Variants in DAB1 observed in about 807,000 individuals in gnomAD.
DAB1 encodes the protein DAB adaptor protein 1.
DAB1 carries 15 observed loss-of-function variants against 64.6 expected under a neutral mutation model. The observed-to-expected ratio is 0.23, with a 90% CI of 0.16 to 0.36. The LOEUF is 0.36. Among genes scored for constraint, DAB1 ranks in the 10% least tolerant of loss-of-function variants. The probability of loss-of-function intolerance (pLI) is 1.00; values close to 1 mark genes in which losing one functional copy is unlikely to be tolerated. For missense variants in DAB1, 596 were observed against 706.7 expected (o/e 0.84, Z 1.78); for synonymous variants, 235 against 251.9 (o/e 0.93, Z 0.64).
chr1:57,891,764 AT>A (rs1175983236), intron 5 of DAB1, among the ~76,000 whole-genome samples: 2 of 151,694 alleles, frequency 1.3e-5, no homozygotes, highest in Admixed American at 1.3e-4. Flanking sequence ...CAAACATCTC[AT>A]GTTCTCACTC....
At chr1:57,860,703 C>T (rs1653976178) in intron 1 of DAB1, 1 of 152,184 alleles carries the variant, frequency 6.6e-6, no homozygotes, top group Admixed American at 6.5e-5. Flanking sequence ...GGGCCAACAG[C>T]TTTGCAATAA....
At chr1:57,418,545 C>T (rs1684664752) in intron 1 of DAB1, among the ~76,000 whole-genome samples, 1 of 152,190 alleles carries the variant, frequency 6.6e-6, no homozygotes, top group Non-Finnish European at 1.5e-5. Context: ...GATTTGGGTT[C>T]ATGCTGAACT....
chr1:58,467,886 T>G (rs1645311687), intron 3 of DAB1: 1 of 153,126 alleles, frequency 6.5e-6, no homozygotes, highest in Non-Finnish European at 1.5e-5. Flanking sequence ...CTCCTGAATT[T>G]GGGTTTATCT....
At chr1:58,401,629 C>T (rs1644568991) in intron 3 of DAB1, among the ~76,000 whole-genome samples, 1 of 152,186 alleles carries the variant, frequency 6.6e-6, no homozygotes, top group Non-Finnish European at 1.5e-5. Flanking sequence ...GTGGAGTCCA[C>T]TACTGTATCT....
chr1:58,421,218 G>A (rs1644768601), intron 3 of DAB1, among the ~76,000 whole-genome samples: 1 of 152,158 alleles, frequency 6.6e-6, no homozygotes, highest in Admixed American at 6.5e-5. Context: ...CAGCAAGGCT[G>A]GGTTAATATA....
At chr1:57,658,089 G>C (rs956531466) in intron 6 of DAB1, among the ~76,000 whole-genome samples, 3 of 152,122 alleles carry the variant, frequency 2.0e-5, no homozygotes, top group Non-Finnish European at 4.4e-5. Flanking sequence ...GACAAGGATA[G>C]AGATAAGTAC....
chr1:57,970,530 G>A (rs922665993), intron 5 of DAB1, among the ~76,000 whole-genome samples: 5 of 151,966 alleles, frequency 3.3e-5, no homozygotes, highest in Non-Finnish European at 2.9e-5. Flanking sequence ...GGCGCTTGAG[G>A]AAAACTGCCA....
chr1:57,146,957 C>T (rs1659199355), intron 2 of DAB1, among the ~76,000 whole-genome samples: 1 of 151,918 alleles, frequency 6.6e-6, no homozygotes, highest in South Asian at 2.1e-4. Flanking sequence ...TGAGCAGTAA[C>T]TTCAGTGAGA....
intron 7 of DAB1, among the ~76,000 whole-genome samples, chr1:57,477,909 AT>A (rs200434098): frequency 1.3e-5 from 2 of 151,876 alleles, no homozygotes; most frequent in African/African-American, 2.4e-5. Context: ...ACTCTATCCT[AT>A]TTTTTTTAAT....
chr1:57,476,057 T>C (rs1643931519), intron 7 of DAB1, among the ~76,000 whole-genome samples: 1 of 151,848 alleles, frequency 6.6e-6, no homozygotes, highest in Non-Finnish European at 1.5e-5. Context: ...AAACTCTGTC[T>C]CCGCTAAAAA....
intron 3 of DAB1, among the ~76,000 whole-genome samples, chr1:58,354,938 TCC>T (rs748373131): frequency 2.4e-4 from 36 of 152,050 alleles, no homozygotes; most frequent in Non-Finnish European, 4.1e-4. Flanking sequence ...GCTCCAATCT[TCC>T]CCCTCTAAGT....
intron 6 of DAB1, among the ~76,000 whole-genome samples, chr1:57,768,131 C>T (rs527369828): frequency 2.3e-4 from 31 of 137,660 alleles, no homozygotes; most frequent in African/African-American, 8.3e-4. Flanking sequence ...GAGCCAAGAT[C>T]GAGCCACTGC....
intron 2 of DAB1, among the ~76,000 whole-genome samples, chr1:57,246,496 G>A (rs757882460): frequency 2.6e-5 from 4 of 152,220 alleles, no homozygotes; most frequent in Admixed American, 6.5e-5. Context: ...GGATGTCCAG[G>A]TAGAAGTCTG....
At chr1:58,007,915 C>T (rs1646610313) in intron 5 of DAB1, among the ~76,000 whole-genome samples, 1 of 152,154 alleles carries the variant, frequency 6.6e-6, no homozygotes, top group African/African-American at 2.4e-5. Context: ...TTTGTTAATA[C>T]ATAATTAAAT....
intron 3 of DAB1, among the ~76,000 whole-genome samples, chr1:58,437,887 C>T (rs115125798): frequency 0.017 from 2,598 of 152,276 alleles, 34 homozygotes; most frequent in Admixed American, 0.029. Flanking sequence ...CCCATCTCCA[C>T]GTCCTAGGTG....
At chr1:57,807,914 A>G (rs1651440167) in intron 6 of DAB1, among the ~76,000 whole-genome samples, 1 of 152,142 alleles carries the variant, frequency 6.6e-6, no homozygotes, top group Non-Finnish European at 1.5e-5. Context: ...TTTCTTAATA[A>G]CATTTTCTTT....
intron 4 of DAB1, among the ~76,000 whole-genome samples, chr1:58,173,659 G>C (rs1656300329): frequency 6.6e-6 from 1 of 152,180 alleles, no homozygotes; most frequent in Non-Finnish European, 1.5e-5. Flanking sequence ...CTAGGAGTAT[G>C]GGAAAGTGAA....
chr1:57,465,670 T>C (rs1312800389), intron 7 of DAB1, among the ~76,000 whole-genome samples: 1 of 152,242 alleles, frequency 6.6e-6, no homozygotes, highest in African/African-American at 2.4e-5. Context: ...GCATTTTGTT[T>C]TGTGTCAAAA....
At chr1:58,292,646 T>G (rs1661873246) in intron 4 of DAB1, among the ~76,000 whole-genome samples, 1 of 152,028 alleles carries the variant, frequency 6.6e-6, no homozygotes, top group South Asian at 2.1e-4. Flanking sequence ...TTTTCAGGGT[T>G]AAGGGTTGGA....
Sources: gnomAD v4.1 joint callset for allele counts (sites outside exome capture counted in the v4.1 genomes callset) on GRCh38, gnomAD v4.1.1 for gene constraint, MANE v1.5 for transcripts, NCBI Gene and HGNC (gene_info 2026-07-23, HGNC 2026-07-21) for gene names.